The following UBE2L6 variants were observed in gnomAD, a reference collection of about 807,000 sequenced individuals.
UBE2L6 encodes ubiquitin/ISG15-conjugating enzyme E2 L6.
UBE2L6 carries 11 observed loss-of-function variants against 13.6 expected under a neutral mutation model. The ratio of observed to expected loss-of-function variants is 0.81; its 90% CI spans 0.51 to 1.34. The LOEUF is 1.34. Among genes scored for constraint, UBE2L6 ranks in the 40% most tolerant of loss-of-function variants. The pLI is 0.00. For synonymous variants in UBE2L6, 74 were observed against 83.2 expected (o/e 0.89, Z 0.60); for missense variants, 197 against 199.5 (o/e 0.99, Z 0.07).
intron 1 of UBE2L6, among the ~76,000 whole-genome samples, chr11:57,565,170 A>G (rs12292224): frequency 0.13 from 20,303 of 151,806 alleles, 1,417 homozygotes; most frequent in Middle Eastern, 0.25. Flanking sequence ...TGAGCCTGGG[A>G]GGCGGAGGTT....
In UBE2L6 at chr11:57,552,154, A is replaced by T; in HGVS notation, c.*204T>A. 1.5e-6 allele frequency: 1 copy of T among 689,632 alleles called. No individual in the cohort carries two copies. Among genetic ancestry groups the T allele is most frequent in the Non-Finnish European group, 2.4e-6 (1 of 419,926 alleles). 42.7% of individuals were successfully genotyped at this position (689,632 alleles called of 1,614,324 possible). On this transcript the variant is annotated 3_prime_UTR_variant, in exon 4 of 4. Transcript: ENST00000287156. The stretch of plus-strand genomic sequence containing the variant: ...GTGTGGGAAGGGTGCACCTGTGGCC[A>T]GGTGAACCTGGGAGTGAGTCCATAC...
chr11:57,554,777 A>G (rs1944985051), intron 2 of UBE2L6, among the ~76,000 whole-genome samples, 154 bp from the exon 3 acceptor site: 2 of 152,218 alleles, frequency 1.3e-5, no homozygotes, highest in South Asian at 4.1e-4. Flanking sequence ...TGAGTCATGG[A>G]TTAGTGAAAA....
chr11:57,558,126 T>G (rs1430926018), intron 2 of UBE2L6, among the ~76,000 whole-genome samples: 1 of 152,244 alleles, frequency 6.6e-6, no homozygotes, highest in Non-Finnish European at 1.5e-5. Context: ...TCATCCAGGC[T>G]GGAGTGCGAT....
chr11:57,563,692 C>G (rs1340110129), intron 1 of UBE2L6, among the ~76,000 whole-genome samples: 1 of 149,556 alleles, frequency 6.7e-6, no homozygotes, highest in Non-Finnish European at 1.5e-5. Context: ...GAGATCGAGA[C>G]CATCCTGGCT....
At chr11:57,562,732 G>A (rs1945056749) in intron 1 of UBE2L6, among the ~76,000 whole-genome samples, 1 of 152,204 alleles carries the variant, frequency 6.6e-6, no homozygotes, top group Admixed American at 6.5e-5. Flanking sequence ...AACCACAAAG[G>A]TAGTAACCTC....
chr11:57,566,710 T>G (rs2135284360), intron 1 of UBE2L6, among the ~76,000 whole-genome samples: 1 of 152,242 alleles, frequency 6.6e-6, no homozygotes, highest in South Asian at 2.1e-4. Context: ...GCAGGCACCC[T>G]CTTCCTAGAG....
chr11:57,561,320 T>C (rs1291303766), intron 1 of UBE2L6, among the ~76,000 whole-genome samples: 1 of 152,134 alleles, frequency 6.6e-6, no homozygotes, highest in Non-Finnish European at 1.5e-5. Flanking sequence ...CCCAAAACTG[T>C]GGCCCAAACA....
chr11:57,552,738 G>A (rs1944969264), intron 3 of UBE2L6, among the ~76,000 whole-genome samples: 1 of 152,202 alleles, frequency 6.6e-6, no homozygotes, highest in Non-Finnish European at 1.5e-5. Context: ...TGGCTTCAGA[G>A]AAGCTCCTCA....
rs952963682 is a variant in UBE2L6 at position 57,554,372 on chromosome 11, T to G, written c.310+65A>C. On this transcript the variant is annotated intron_variant, in intron 3 of 3. Transcript: ENST00000287156. Reference sequence around the variant, plus strand: ...GGCTTTTCAAGCTCAGAATAAGCTGTGAACCCCCTCTCCAGTAATCTCTAC... The same window carrying G: ...GGCTTTTCAAGCTCAGAATAAGCTGGGAACCCCCTCTCCAGTAATCTCTAC... The G allele has an allele frequency of 3.7e-5, 57 of 1,555,570 alleles. No individual in the cohort carries two copies. In the Middle Eastern group the frequency reaches 1.6e-3, roughly 42 times the overall value.
At chr11:57,563,863 C>T (rs1434079645) in intron 1 of UBE2L6, among the ~76,000 whole-genome samples, 2 of 151,770 alleles carry the variant, frequency 1.3e-5, no homozygotes, top group African/African-American at 4.8e-5. Context: ...GATTGTGCCA[C>T]TGCACTCCAT....
intron 2 of UBE2L6, among the ~76,000 whole-genome samples, chr11:57,557,038 C>G (rs1282134462): frequency 6.6e-6 from 1 of 150,486 alleles, no homozygotes; most frequent in Non-Finnish European, 1.5e-5. Context: ...GTGAGTCTTG[C>G]TCTGCACTCC....
intron 2 of UBE2L6, 127 bp downstream of exon 2, chr11:57,560,210 A>T (rs1945027513): frequency 2.7e-6 from 2 of 741,162 alleles, no homozygotes; most frequent in African/African-American, 3.5e-5. Flanking sequence ...AGCCCCCTCC[A>T]GCAATGATAA....
chr11:57,564,501 G>A (rs948903338), intron 1 of UBE2L6, among the ~76,000 whole-genome samples: 1 of 152,166 alleles, frequency 6.6e-6, no homozygotes, highest in Non-Finnish European at 1.5e-5. Flanking sequence ...AAATTTTAAT[G>A]AGCAATAAAA....
Position 57,554,572 on chromosome 11 carries a change from G to T in UBE2L6, c.175C>A (p.Pro59Thr), listed in dbSNP as rs1424010492. 1 of 1,614,142 alleles carries T rather than the reference G, an allele frequency of 6.2e-7. No individual in the cohort carries two copies. Among genetic ancestry groups the T allele is most frequent in the Non-Finnish European group, 8.5e-7 (1 of 1,180,020 alleles). ...KAFNLRISFPPEYPFKPPMIK... is the reference protein window; with the variant it reads ...KAFNLRISFPTEYPFKPPMIK... ...ATGGGAGGCTTGAACGGATACTCCGGCGGGAAGCTGATGCGCAGGTTGAAG... is the reference window on the plus strand; with the variant it reads ...ATGGGAGGCTTGAACGGATACTCCGTCGGGAAGCTGATGCGCAGGTTGAAG... Residue 59 changes from proline to threonine, a missense_variant, in exon 3 of 4, where the codon CCG becomes ACG. Pro to Thr is a conservative substitution (Grantham distance 38, BLOSUM62 -1). Coordinates refer to ENST00000287156, the MANE Select transcript of UBE2L6 (RefSeq NM_004223.5).
chr11:57,559,653 T>G (rs1012149376), intron 2 of UBE2L6, among the ~76,000 whole-genome samples: 1 of 152,130 alleles, frequency 6.6e-6, no homozygotes, highest in Non-Finnish European at 1.5e-5. Context: ...AGATGAATTG[T>G]TCCTTTGATA....
rs768807700 is a variant in UBE2L6, at chr11:57,552,307, G to A, written c.*51C>T. On this transcript the variant is annotated 3_prime_UTR_variant, in exon 4 of 4. Coordinates refer to ENST00000287156, the MANE Select transcript of UBE2L6 (RefSeq NM_004223.5). ...GGGCTCTGGCCTCAGTCCATGAGGT[G>A]TGTCCGTCCGCTATGCCGAGGATCC... The A allele has an allele frequency of 3.1e-6, 5 of 1,606,850 alleles. No individual in the cohort carries two copies. In the Admixed American group the frequency reaches 8.4e-5, roughly 27 times the overall value.
chr11:57,552,071 T>A lies in UBE2L6; in HGVS notation c.*287A>T. The stretch of plus-strand genomic sequence containing the variant: ...GACCTGTCTCTCTAAGATGGAGAGC[T>A]GGAGAACTGGCCTGTAACTGCAAAC... On this transcript the variant is annotated 3_prime_UTR_variant, in exon 4 of 4. Coordinates refer to ENST00000287156, the MANE Select transcript of UBE2L6 (RefSeq NM_004223.5). 1 of 369,632 alleles carries A rather than the reference T, an allele frequency of 2.7e-6. No homozygotes were observed. The highest frequency in any genetic ancestry group is 3.3e-5 in the South Asian group (1 of 30,518). The allele number at this position is 369,632 out of a possible 1,614,324, so 22.9% of individuals were successfully genotyped here.
chr11:57,558,188 C>A (rs1285451348), intron 2 of UBE2L6, among the ~76,000 whole-genome samples: 1 of 152,142 alleles, frequency 6.6e-6, no homozygotes, highest in Non-Finnish European at 1.5e-5. Context: ...AAGTGATTCT[C>A]GTGCCTCAGC....
At chr11:57,556,991 C>T (rs903105338) in intron 2 of UBE2L6, among the ~76,000 whole-genome samples, 1 of 151,126 alleles carries the variant, frequency 6.6e-6, no homozygotes, top group African/African-American at 2.4e-5. Context: ...GAGGCTGAGG[C>T]ATGAGAATTG....
Sources: allele counts gnomAD v4.1 joint callset (sites outside exome capture counted in the v4.1 genomes callset), GRCh38; gene constraint gnomAD v4.1.1; transcripts MANE v1.5; gene names NCBI Gene and HGNC (gene_info 2026-07-23, HGNC 2026-07-21).